ALCAM: variants seen among roughly 807,000 people sequenced by gnomAD.
ALCAM encodes the protein activated leukocyte cell adhesion molecule.
A neutral mutation model predicts 70.9 loss-of-function variants in ALCAM; 30 were observed. That is an observed-to-expected ratio of 0.42 (90% CI 0.32 to 0.57). The LOEUF is 0.57. Among genes scored for constraint, ALCAM ranks in the 20% least tolerant of loss-of-function variants. The pLI is 0.11. For synonymous variants in ALCAM, 249 were observed against 242.5 expected (o/e 1.03, Z -0.25); for missense variants, 591 against 695.1 (o/e 0.85, Z 1.68).
intron 1 of ALCAM, among the ~76,000 whole-genome samples, chr3:105,392,562 T>A (rs532867967): frequency 2.6e-4 from 40 of 152,006 alleles, no homozygotes; most frequent in African/African-American, 7.2e-4. Context: ...AGGGTTTTTT[T>A]ATGCCTCTAT....
intron 1 of ALCAM, among the ~76,000 whole-genome samples, chr3:105,429,102 AT>A (rs968977918): frequency 3.3e-5 from 5 of 151,978 alleles, no homozygotes; most frequent in African/African-American, 4.8e-5. Context: ...ACCATTTAAA[AT>A]TTTTTAAACT....
chr3:105,495,220 C>T (rs2152613190), intron 1 of ALCAM, among the ~76,000 whole-genome samples: 1 of 152,346 alleles, frequency 6.6e-6, no homozygotes. Flanking sequence ...TATGATACCA[C>T]ATTCCACATC....
intron 1 of ALCAM, among the ~76,000 whole-genome samples, chr3:105,489,058 A>G (rs13080897): frequency 0.42 from 63,317 of 151,948 alleles, 13,988 homozygotes; most frequent in African/African-American, 0.53. Context: ...CAACAAAGGC[A>G]TCCATGAAGG....
chr3:105,489,083 T>C (rs1938510339), intron 1 of ALCAM, among the ~76,000 whole-genome samples: 1 of 152,066 alleles, frequency 6.6e-6, no homozygotes, highest in Non-Finnish European at 1.5e-5. Flanking sequence ...CTGAAGAGTA[T>C]TAAAGGGAAA....
intron 1 of ALCAM, among the ~76,000 whole-genome samples, chr3:105,450,161 G>A (rs1937393628): frequency 6.6e-6 from 1 of 152,144 alleles, no homozygotes; most frequent in Non-Finnish European, 1.5e-5. Context: ...ATAGTATAGA[G>A]TAGATTTCAA....
chr3:105,382,853 T>A (rs1935561091), intron 1 of ALCAM, among the ~76,000 whole-genome samples: 1 of 152,022 alleles, frequency 6.6e-6, no homozygotes, highest in South Asian at 2.1e-4. Context: ...CTTTGTCAGA[T>A]GAATCAACTC....
At chr3:105,504,348 G>C (rs1411927180) in intron 1 of ALCAM, among the ~76,000 whole-genome samples, 1 of 152,232 alleles carries the variant, frequency 6.6e-6, no homozygotes, top group Admixed American at 6.5e-5. Flanking sequence ...AGGACAGAGG[G>C]CTTTCTGTAT....
chr3:105,531,854 C>T (rs1939846516), intron 3 of ALCAM, 148 bp from the exon 4 acceptor site: 1 of 729,542 alleles, frequency 1.4e-6, no homozygotes, highest in East Asian at 2.5e-5. Flanking sequence ...ATAGATTCCC[C>T]AAATCCAGAT....
intron 1 of ALCAM, among the ~76,000 whole-genome samples, chr3:105,512,226 C>G (rs550785782): frequency 1.8e-4 from 27 of 151,900 alleles, no homozygotes; most frequent in Non-Finnish European, 3.5e-4. Flanking sequence ...TTGCAGAAAA[C>G]AAATTTAATA....
intron 1 of ALCAM, among the ~76,000 whole-genome samples, chr3:105,474,924 T>TAA (rs150815121): frequency 1.8e-4 from 26 of 148,296 alleles, no homozygotes; most frequent in South Asian, 1.7e-3. Context: ...TATCCCTGTG[T>TAA]AAAAAAAAAA....
At chr3:105,437,071 C>G (rs1937066480) in intron 1 of ALCAM, among the ~76,000 whole-genome samples, 1 of 152,168 alleles carries the variant, frequency 6.6e-6, no homozygotes, top group Admixed American at 6.5e-5. Context: ...TTATGTAACT[C>G]TTAATCTGGT....
chr3:105,552,270 C>A, intron 13 of ALCAM, 88 bp downstream of exon 13: 1 of 1,393,028 alleles, frequency 7.2e-7, no homozygotes, highest in Non-Finnish European at 9.9e-7. Context: ...CTTAGCTGTC[C>A]ACAATTTTGA....
chr3:105,524,656 A>G (rs1939650025), intron 3 of ALCAM, 148 bp downstream of exon 3: 2 of 1,368,798 alleles, frequency 1.5e-6, no homozygotes, highest in East Asian at 2.6e-5. Flanking sequence ...TTCTGCTCAT[A>G]TATACTATCA....
At chr3:105,502,868 A>T (rs188397758) in intron 1 of ALCAM, among the ~76,000 whole-genome samples, 2 of 152,350 alleles carry the variant, frequency 1.3e-5, no homozygotes, top group African/African-American at 4.8e-5. Flanking sequence ...TGATCTACTC[A>T]TCAGTGTTTT....
chr3:105,447,098 CACA>C (rs753388182), intron 1 of ALCAM, among the ~76,000 whole-genome samples: 1 of 152,026 alleles, frequency 6.6e-6, no homozygotes, highest in Non-Finnish European at 1.5e-5. Flanking sequence ...ATACATGTAT[CACA>C]ACATCACACT....
chr3:105,495,506 C>T (rs978754851), intron 1 of ALCAM, among the ~76,000 whole-genome samples: 2 of 151,526 alleles, frequency 1.3e-5, no homozygotes, highest in African/African-American at 4.8e-5. Context: ...AAAGATAGAG[C>T]CCTGGTTCAA....
chr3:105,532,137 C>G (rs1939855422), intron 4 of ALCAM, 71 bp downstream of exon 4: 2 of 1,281,268 alleles, frequency 1.6e-6, no homozygotes, highest in East Asian at 4.6e-5. Context: ...CCTTACATTC[C>G]AAGACAAGTA....
chr3:105,538,739 T>G (rs535224606), intron 6 of ALCAM, among the ~76,000 whole-genome samples: 132 of 152,212 alleles, frequency 8.7e-4, no homozygotes, highest in Non-Finnish European at 1.3e-3. Context: ...AAACCAGATT[T>G]TATTTACTTT....
chr3:105,572,771 C>T (rs192498074), intron 15 of ALCAM, among the ~76,000 whole-genome samples: 34 of 152,224 alleles, frequency 2.2e-4, no homozygotes, highest in African/African-American at 3.4e-4. Flanking sequence ...AGGAAACTTT[C>T]GTGACTCAGA....
Sources: gnomAD v4.1 joint callset for allele counts (sites outside exome capture counted in the v4.1 genomes callset) on GRCh38, gnomAD v4.1.1 for gene constraint, MANE v1.5 for transcripts, NCBI Gene and HGNC (gene_info 2026-07-23, HGNC 2026-07-21) for gene names.